Variants in SND1 observed in about 807,000 individuals in gnomAD.
SND1 encodes the protein staphylococcal nuclease domain-containing protein 1.
In SND1, 38 loss-of-function variants were observed where a neutral mutation model predicts 121.7. That is an observed-to-expected ratio of 0.31 (90% CI 0.24 to 0.41). The LOEUF (loss-of-function observed/expected upper bound fraction) is 0.41. Ranked by LOEUF, SND1 falls within the 10% of genes least tolerant of loss-of-function variation. SND1 has a pLI of 1.00. For missense variants in SND1, 868 were observed against 1,184.6 expected, an observed-to-expected ratio of 0.73 and a Z score of 3.92; for synonymous variants, 401 against 447.4, an observed-to-expected ratio of 0.90 and a Z score of 1.31.
chr7:127,791,508 C>G (rs1489928047), intron 10 of SND1, among the ~76,000 whole-genome samples: 1 of 152,092 alleles, frequency 6.6e-6, no homozygotes, highest in African/African-American at 2.4e-5. Context: ...CCATCTTCAC[C>G]ATTTTTATTT....
At chr7:127,981,833 C>T (rs367855582) in intron 15 of SND1, among the ~76,000 whole-genome samples, 1 of 152,222 alleles carries the variant, frequency 6.6e-6, no homozygotes, top group Middle Eastern at 3.2e-3. Context: ...TTTAACCACA[C>T]ACTCACCTTT....
intron 16 of SND1, chr7:128,027,482 G>A (rs561635829): frequency 8.5e-5 from 13 of 152,374 alleles, no homozygotes; most frequent in African/African-American, 2.4e-4. Flanking sequence ...TACCCTTTTC[G>A]TCTCTCCCTT....
At chr7:127,757,151 T>TA (rs1467004128) in intron 10 of SND1, among the ~76,000 whole-genome samples, 4 of 152,224 alleles carry the variant, frequency 2.6e-5, no homozygotes, top group African/African-American at 9.6e-5. Context: ...ATCAATTAGT[T>TA]ATGCCTTCTC....
At chr7:127,654,404 A>G (rs981234359) in intron 1 of SND1, among the ~76,000 whole-genome samples, 4 of 152,190 alleles carry the variant, frequency 2.6e-5, no homozygotes, top group Non-Finnish European at 4.4e-5. Flanking sequence ...TAAGAGGCAG[A>G]GCTGAGACTT....
In SND1 at chr7:127,935,676, A is replaced by G. The variant is rs547792281; in HGVS notation, c.1669+6347A>G. Among the ~76,000 whole-genome samples, 55 of 152,346 alleles carry G rather than the reference A, an allele frequency of 3.6e-4. 1 individual carries two copies. The Middle Eastern group carries it at 0.01, about 28-fold the overall frequency. ...CCTACAAAGCTGAAAGTGAGTAGGC[A>G]TGCTATTCATGTTGTGGGATTGTTC... is the stretch of plus-strand genomic sequence containing the variant. On this transcript the variant is annotated intron_variant, in intron 15 of 23. Transcript: ENST00000354725.
At chr7:128,072,108 C>G (rs1169799053) in intron 16 of SND1, among the ~76,000 whole-genome samples, 1 of 152,182 alleles carries the variant, frequency 6.6e-6, no homozygotes. Context: ...ATTGCAGCCT[C>G]AGAGAGCGAG....
intron 3 of SND1, 29 bp from the exon 4 acceptor site, chr7:127,698,846 G>GT (rs1194417911): frequency 3.7e-6 from 6 of 1,603,798 alleles, no homozygotes; most frequent in East Asian, 2.2e-5. Flanking sequence ...TTTGAATCTT[G>GT]TTTTTAAATC....
intron 12 of SND1, among the ~76,000 whole-genome samples, chr7:127,870,560 T>A (rs1238864620): frequency 1.3e-5 from 2 of 152,226 alleles, no homozygotes; most frequent in Non-Finnish European, 2.9e-5. Context: ...ATCATGTTGC[T>A]GTACTGAATA....
intron 16 of SND1, among the ~76,000 whole-genome samples, chr7:127,993,455 T>C (rs896284827): frequency 6.6e-6 from 1 of 152,240 alleles, no homozygotes; most frequent in East Asian, 1.9e-4. Flanking sequence ...GAGCAATGCA[T>C]GGATGCCTGA....
At chr7:127,654,367 C>T (rs1363074858) in intron 1 of SND1, among the ~76,000 whole-genome samples, 1 of 152,046 alleles carries the variant, frequency 6.6e-6, no homozygotes, top group Non-Finnish European at 1.5e-5. Flanking sequence ...AATAGTTAAC[C>T]CAAGGACAGG....
intron 10 of SND1, among the ~76,000 whole-genome samples, chr7:127,743,262 GT>G (rs1796915617): frequency 6.6e-6 from 1 of 152,192 alleles, no homozygotes; most frequent in Non-Finnish European, 1.5e-5. Flanking sequence ...ATGTTTGAAT[GT>G]TTTCAATTTG....
rs185983153 is a variant in SND1, at chr7:128,004,713, C to A, written c.1779+13657C>A. Among the ~76,000 whole-genome samples the A allele has an allele frequency of 3.9e-5, 6 of 152,284 alleles. No homozygotes were observed. The East Asian group carries it at 1.2e-3, about 29-fold the overall frequency. On this transcript the variant is annotated intron_variant, in intron 16 of 23. Coordinates refer to ENST00000354725, the MANE Select transcript of SND1 (RefSeq NM_014390.4). ...ATGAAAACAGACATCAGATGTTCAT[C>A]TTTGTGTTATGGGTTGTTATCCCCA...
intron 10 of SND1, among the ~76,000 whole-genome samples, chr7:127,778,979 A>G (rs1156747487): frequency 1.3e-5 from 2 of 152,182 alleles, no homozygotes; most frequent in South Asian, 2.1e-4. Flanking sequence ...TGAGTTGCCT[A>G]TTCTTAAGTG....
chr7:127,969,017 G>T (rs1007244793), intron 15 of SND1, among the ~76,000 whole-genome samples: 3 of 152,096 alleles, frequency 2.0e-5, no homozygotes, highest in African/African-American at 7.2e-5. Flanking sequence ...CCTCCTGCAC[G>T]TCCTTCTCTA....
At chr7:127,832,112 TGTAG>T (rs1798752339) in intron 11 of SND1, among the ~76,000 whole-genome samples, 1 of 152,244 alleles carries the variant, frequency 6.6e-6, no homozygotes, top group Non-Finnish European at 1.5e-5. Context: ...ATTGGTAATA[TGTAG>T]GTGAAAAAGA....
chr7:127,799,895 T>C (rs1007564455), intron 10 of SND1, among the ~76,000 whole-genome samples: 3 of 152,236 alleles, frequency 2.0e-5, no homozygotes, highest in African/African-American at 7.2e-5. Context: ...AATACTTAGG[T>C]ATCTTAGGAA....
intron 10 of SND1, among the ~76,000 whole-genome samples, chr7:127,789,218 G>A (rs982518237): frequency 2.6e-5 from 4 of 152,168 alleles, no homozygotes; most frequent in Admixed American, 1.3e-4. Flanking sequence ...CCAGTGTATC[G>A]TTGCTGCCAA....
At chr7:127,684,532 T>C (rs146872303) in intron 1 of SND1, among the ~76,000 whole-genome samples, 2,429 of 152,362 alleles carry the variant, frequency 0.016, 29 homozygotes, top group Non-Finnish European at 0.024. Context: ...CTTTTCTTCT[T>C]TGGCCCTTCT....
At chr7:127,854,609 A>G (rs1421114004) in intron 12 of SND1, among the ~76,000 whole-genome samples, 1 of 151,314 alleles carries the variant, frequency 6.6e-6, no homozygotes, top group East Asian at 1.9e-4. Context: ...TGTGATAAGG[A>G]GAAGGGGGCA....
Sources: allele counts gnomAD v4.1 joint callset (sites outside exome capture counted in the v4.1 genomes callset), GRCh38; gene constraint gnomAD v4.1.1; transcripts MANE v1.5; gene names NCBI Gene and HGNC (gene_info 2026-07-23, HGNC 2026-07-21).